Variants in RAB31 observed in about 807,000 individuals in gnomAD.
The protein encoded by RAB31 is RAB31, member RAS oncogene family.
A neutral mutation model predicts 25.6 loss-of-function variants in RAB31; 21 were observed. The observed-to-expected ratio is 0.82, with a 90% CI of 0.58 to 1.18. The LOEUF is 1.18. RAB31 is among the 50% of genes most tolerant of loss of function. The pLI, the probability that RAB31 is intolerant of heterozygous loss-of-function variation, is 0.00. For missense variants in RAB31, 196 were observed against 250.1 expected, an observed-to-expected ratio of 0.78 and a Z score of 1.46; for synonymous variants, 87 against 84.0, an observed-to-expected ratio of 1.04 and a Z score of -0.20.
intron 1 of RAB31, among the ~76,000 whole-genome samples, chr18:9,741,112 A>G: frequency 6.6e-6 from 1 of 151,816 alleles, no homozygotes; most frequent in East Asian, 1.9e-4. Context: ...ATGGTGGCTC[A>G]CGCCTGTAAT....
intron 6 of RAB31, among the ~76,000 whole-genome samples, chr18:9,858,760 A>C (rs1233452693): frequency 6.6e-6 from 1 of 152,242 alleles, no homozygotes; most frequent in African/African-American, 2.4e-5. Flanking sequence ...ACTGCTAGGA[A>C]GATTACAATT....
intron 1 of RAB31, among the ~76,000 whole-genome samples, chr18:9,751,179 A>G (rs1451298237): frequency 6.6e-6 from 1 of 152,108 alleles, no homozygotes; most frequent in African/African-American, 2.4e-5. Context: ...GACTATACGC[A>G]TGCACCACCA....
intron 1 of RAB31, among the ~76,000 whole-genome samples, chr18:9,768,194 A>G (rs2068326109): frequency 6.6e-6 from 1 of 152,224 alleles, no homozygotes; most frequent in South Asian, 2.1e-4. Context: ...TAGTAGAATG[A>G]TTTATAATCC....
At chr18:9,800,526 G>T (rs2068508728) in intron 3 of RAB31, among the ~76,000 whole-genome samples, 1 of 152,174 alleles carries the variant, frequency 6.6e-6, no homozygotes, top group African/African-American at 2.4e-5. Context: ...CGGCAGTGGT[G>T]GAATTCTCTG....
intron 4 of RAB31, among the ~76,000 whole-genome samples, chr18:9,814,404 G>T (rs912412036): frequency 6.6e-6 from 1 of 152,042 alleles, no homozygotes; most frequent in African/African-American, 2.4e-5. Context: ...ACTTATTTTT[G>T]TTACTGTTTC....
At chr18:9,726,783 T>G (rs2068098057) in intron 1 of RAB31, among the ~76,000 whole-genome samples, 1 of 152,186 alleles carries the variant, frequency 6.6e-6, no homozygotes, top group Admixed American at 6.5e-5. Flanking sequence ...AAGTATAACA[T>G]ACAAAGTGCA....
intron 3 of RAB31, among the ~76,000 whole-genome samples, chr18:9,807,417 G>A (rs1355822546): frequency 1.3e-5 from 2 of 152,056 alleles, no homozygotes; most frequent in Non-Finnish European, 2.9e-5. Context: ...TGGCCATCCT[G>A]GCTTTCCCCG....
At chr18:9,784,861 A>G (rs890005691) in intron 2 of RAB31, among the ~76,000 whole-genome samples, 2 of 152,098 alleles carry the variant, frequency 1.3e-5, no homozygotes, top group African/African-American at 4.8e-5. Context: ...CCAATTTTAG[A>G]TGATATTGAT....
At chr18:9,841,934 C>G (rs2143128787) in intron 5 of RAB31, among the ~76,000 whole-genome samples, 1 of 152,286 alleles carries the variant, frequency 6.6e-6, no homozygotes, top group African/African-American at 2.4e-5. Context: ...TGAAGGGGAA[C>G]TTAAGCATGG....
chr18:9,726,758 C>G (rs1402740403), intron 1 of RAB31, among the ~76,000 whole-genome samples: 1 of 152,090 alleles, frequency 6.6e-6, no homozygotes, highest in Non-Finnish European at 1.5e-5. Context: ...ATAACATACT[C>G]TAAATTTTTT....
At chr18:9,804,447 A>G (rs733569) in intron 3 of RAB31, among the ~76,000 whole-genome samples, 60,348 of 151,934 alleles carry the variant, frequency 0.4, 12,019 homozygotes, top group South Asian at 0.45. Context: ...GTGGGGCCAA[A>G]ACACAGAGCC....
intron 3 of RAB31, among the ~76,000 whole-genome samples, chr18:9,805,457 T>A (rs4798867): frequency 0.3 from 45,203 of 151,916 alleles, 6,808 homozygotes; most frequent in South Asian, 0.37. Context: ...AGTAGCATTT[T>A]AAATCTCTCT....
chr18:9,859,385 G>C lies in RAB31; in HGVS notation c.*60G>C. On this transcript the variant is annotated 3_prime_UTR_variant, in exon 7 of 7. Coordinates refer to ENST00000578921, the MANE Select transcript of RAB31 (RefSeq NM_006868.4). The stretch of plus-strand genomic sequence containing the variant: ...CAGAGCCCACATCCTGTGCACTGCT[G>C]AAGGACCCTACGCTCGGTGGCCTGG... 6.9e-7 allele frequency: 1 copy of C among 1,451,558 alleles called. No homozygotes were observed. Among genetic ancestry groups the C allele is most frequent in the South Asian group, 1.2e-5 (1 of 86,318 alleles). 89.9% of individuals were successfully genotyped at this position (1,451,558 alleles called of 1,614,324 possible). A position where few individuals can be genotyped will look rare whatever the true frequency, so the allele number is the denominator to read the frequency against.
At chr18:9,823,969 G>A (rs2068636290) in intron 5 of RAB31, among the ~76,000 whole-genome samples, 1 of 152,156 alleles carries the variant, frequency 6.6e-6, no homozygotes, top group African/African-American at 2.4e-5. Context: ...CTATGGTGGG[G>A]GAATCGGTTC....
chr18:9,798,582 A>T (rs1351370486), intron 3 of RAB31, among the ~76,000 whole-genome samples: 1 of 151,818 alleles, frequency 6.6e-6, no homozygotes, highest in African/African-American at 2.4e-5. Flanking sequence ...ATGATTTGAC[A>T]ATATAAAGAC....
intron 1 of RAB31, among the ~76,000 whole-genome samples, chr18:9,769,486 GCTCT>G (rs1364805541): frequency 4.6e-5 from 7 of 151,864 alleles, no homozygotes; most frequent in Non-Finnish European, 7.4e-5. Flanking sequence ...TCATGATTTG[GCTCT>G]CTATTATTGG....
intron 2 of RAB31, chr18:9,785,347 A>C (rs2145496390): frequency 6.5e-6 from 1 of 153,066 alleles, no homozygotes; most frequent in South Asian, 2.1e-4. Context: ...AAGCCAAAAG[A>C]GTGAGAACGT....
Position 9,812,050 on chromosome 18 carries a change from C to T in RAB31, c.202-1970C>T, listed in dbSNP as rs115164621. ...GCCCCCTTTCTGGTATGCAGATACT[C>T]GCCTTCTTGCTGTATCTCACATAGG... On this transcript the variant is annotated intron_variant, in intron 3 of 6. Coordinates refer to ENST00000578921, the MANE Select transcript of RAB31 (RefSeq NM_006868.4). 6.8e-3 allele frequency among the ~76,000 whole-genome samples: 1,029 copies of T among 152,306 alleles called. 10 individuals carry two copies. Among genetic ancestry groups the T allele is most frequent in the African/African-American group, 0.023 (940 of 41,560 alleles).
intron 1 of RAB31, among the ~76,000 whole-genome samples, chr18:9,727,153 G>GC (rs1366479637): frequency 1.6e-4 from 24 of 152,204 alleles, no homozygotes; most frequent in African/African-American, 5.8e-4. Context: ...TGGGTAGGCT[G>GC]TGGCCCTTTG....
Sources: gnomAD v4.1 joint callset for allele counts (sites outside exome capture counted in the v4.1 genomes callset) on GRCh38, gnomAD v4.1.1 for gene constraint, MANE v1.5 for transcripts, NCBI Gene and HGNC (gene_info 2026-07-23, HGNC 2026-07-21) for gene names.